The following RHBDD1 variants were observed in gnomAD, a reference collection of about 807,000 sequenced individuals.
RHBDD1 encodes the protein rhomboid domain containing 1.
A neutral mutation model predicts 36.3 loss-of-function variants in RHBDD1; 38 were observed. That is an observed-to-expected ratio of 1.05 (90% CI 0.81 to 1.37). The LOEUF (loss-of-function observed/expected upper bound fraction) is 1.37. RHBDD1 is among the 40% of genes most tolerant of loss of function. RHBDD1 has a pLI of 0.00. For missense variants in RHBDD1, 393 were observed against 377.6 expected (o/e 1.04, Z -0.34); for synonymous variants, 151 against 136.5 (o/e 1.11, Z -0.74).
chr2:226,880,034 G>A (rs911217846), intron 5 of RHBDD1, among the ~76,000 whole-genome samples: 1 of 152,206 alleles, frequency 6.6e-6, no homozygotes, highest in Admixed American at 6.5e-5. Flanking sequence ...GCATGTCCAT[G>A]TGTGTATAAA....
intron 8 of RHBDD1, among the ~76,000 whole-genome samples, chr2:226,941,098 C>T (rs1291294234): frequency 6.6e-6 from 1 of 152,098 alleles, no homozygotes; most frequent in Non-Finnish European, 1.5e-5. Flanking sequence ...AGGCATGCAC[C>T]ACCATGCCCA....
chr2:226,865,872 G>A (rs1944282312), intron 4 of RHBDD1, among the ~76,000 whole-genome samples: 1 of 152,130 alleles, frequency 6.6e-6, no homozygotes, highest in Non-Finnish European at 1.5e-5. Flanking sequence ...GAAAGGAGGG[G>A]GAGAACTACA....
At chr2:226,869,607 A>G (rs1944621171) in intron 5 of RHBDD1, among the ~76,000 whole-genome samples, 1 of 152,202 alleles carries the variant, frequency 6.6e-6, no homozygotes, top group African/African-American at 2.4e-5. Flanking sequence ...TGTTTTATGA[A>G]AGCCACGGAA....
chr2:226,989,168 A>C (rs1463050699), intron 8 of RHBDD1, among the ~76,000 whole-genome samples: 1 of 152,242 alleles, frequency 6.6e-6, no homozygotes, highest in Non-Finnish European at 1.5e-5. Context: ...AAAATCTTTA[A>C]GCCTCAATTC....
Position 226,999,111 on chromosome 2 carries a change from G to A in RHBDD1, c.*3589G>A, listed in dbSNP as rs1297759773. The A allele has an allele frequency of 2.0e-5, 3 of 152,134 alleles. No homozygotes were observed. The highest frequency in any genetic ancestry group is 4.4e-5 in the Non-Finnish European group (3 of 68,048). 9.4% of individuals were successfully genotyped at this position (152,134 alleles called of 1,614,324 possible). A position where few individuals can be genotyped will look rare whatever the true frequency, so the allele number is the denominator to read the frequency against. Reference sequence around the variant, plus strand: ...GTCTTTAAATTGTAAGCTTCATGAGGGCAGGGACCATCTGTTTCTCTGTCT... The same window carrying A: ...GTCTTTAAATTGTAAGCTTCATGAGAGCAGGGACCATCTGTTTCTCTGTCT... On this transcript the variant is annotated 3_prime_UTR_variant, in exon 9 of 9. Transcript: ENST00000392062.
intron 5 of RHBDD1, among the ~76,000 whole-genome samples, chr2:226,897,082 G>A (rs1947156474): frequency 6.6e-6 from 1 of 152,172 alleles, no homozygotes; most frequent in Admixed American, 6.5e-5. Context: ...GTTTACAGGT[G>A]TGAGCCATCG....
chr2:226,992,785 T>C lies in RHBDD1; in HGVS notation c.857-2646T>C, dbSNP rs144408644. 8.1e-4 allele frequency among the ~76,000 whole-genome samples: 123 copies of C among 152,240 alleles called. 1 individual carries two copies. The East Asian group carries it at 0.02, about 25-fold the overall frequency. Reference sequence around the variant, plus strand: ...GAGGTGCAACCCTGAACACTTGCGGTGTGAGAACCGATGGCCACGTGGGGA... The same window carrying C: ...GAGGTGCAACCCTGAACACTTGCGGCGTGAGAACCGATGGCCACGTGGGGA... On this transcript the variant is annotated intron_variant, in intron 8 of 8. Transcript: ENST00000392062.
chr2:226,963,910 C>G (rs1371047544), intron 8 of RHBDD1, among the ~76,000 whole-genome samples: 1 of 152,110 alleles, frequency 6.6e-6, no homozygotes, highest in East Asian at 1.9e-4. Context: ...CCCTACTTAA[C>G]TCCTTCCTTC....
chr2:226,922,328 C>G (rs1949380512), intron 8 of RHBDD1, among the ~76,000 whole-genome samples: 1 of 151,412 alleles, frequency 6.6e-6, no homozygotes, highest in African/African-American at 2.4e-5. Context: ...CTGCCTCAGC[C>G]TCCCGAGTAG....
At chr2:226,932,381 T>C (rs1311692652) in intron 8 of RHBDD1, among the ~76,000 whole-genome samples, 9 of 152,166 alleles carry the variant, frequency 5.9e-5, no homozygotes, top group Admixed American at 5.9e-4. Flanking sequence ...ACTGATTGTC[T>C]CCTCGATTTA....
At position 226,860,105 on chromosome 2, in the gene RHBDD1, C is replaced by T. The variant is rs546745568; in HGVS notation, c.-90-4499C>T. ...TAAGGTCAAAAGACATGTCAAGGATCTTTCTATGTCTTTGGCTTGAACAAC... is the reference window on the plus strand; with the variant it reads ...TAAGGTCAAAAGACATGTCAAGGATTTTTCTATGTCTTTGGCTTGAACAAC... On this transcript the variant is annotated intron_variant, in intron 3 of 8. Coordinates refer to ENST00000392062, the MANE Select transcript of RHBDD1 (RefSeq NM_001167608.3). 2.6e-5 allele frequency among the ~76,000 whole-genome samples: 4 copies of T among 152,286 alleles called. No individual in the cohort carries two copies. The South Asian group carries it at 8.3e-4, about 32-fold the overall frequency.
At chr2:226,800,938 C>G in the RHBDD1 span, among the ~76,000 whole-genome samples, 1 of 152,228 alleles carries the variant, frequency 6.6e-6, no homozygotes, top group African/African-American at 2.4e-5. Flanking sequence ...CGGTATCAGT[C>G]TCCCCACAAA....
At chr2:226,907,129 C>G in intron 6 of RHBDD1, 1 of 562,260 alleles carries the variant, frequency 1.8e-6, no homozygotes, top group South Asian at 2.1e-5. Flanking sequence ...ATATTTATAC[C>G]CTCAACCTTA....
At chr2:226,855,714 T>G (rs1269504235) in intron 3 of RHBDD1, among the ~76,000 whole-genome samples, 2 of 152,208 alleles carry the variant, frequency 1.3e-5, no homozygotes, top group Non-Finnish European at 2.9e-5. Flanking sequence ...CCCAATTTCT[T>G]CTGGAATACA....
chr2:226,936,702 T>G (rs948143593), intron 8 of RHBDD1, among the ~76,000 whole-genome samples: 2 of 152,154 alleles, frequency 1.3e-5, no homozygotes, highest in African/African-American at 2.4e-5. Flanking sequence ...ATGATGTTGC[T>G]CAGTACCGTC....
At chr2:226,859,705 C>G (rs1256577461) in intron 3 of RHBDD1, among the ~76,000 whole-genome samples, 1 of 152,166 alleles carries the variant, frequency 6.6e-6, no homozygotes. Context: ...AGCATAGTGA[C>G]TGATGCAGAG....
At chr2:226,913,980 C>A (rs924565276) in intron 7 of RHBDD1, among the ~76,000 whole-genome samples, 1 of 152,222 alleles carries the variant, frequency 6.6e-6, no homozygotes, top group Non-Finnish European at 1.5e-5. Flanking sequence ...GAATTAATAT[C>A]TCCTTTCCTC....
At chr2:226,845,990 A>C (rs1156944095) in intron 3 of RHBDD1, among the ~76,000 whole-genome samples, 2 of 152,220 alleles carry the variant, frequency 1.3e-5, no homozygotes, top group African/African-American at 2.4e-5. Context: ...AAACATGCAC[A>C]ATGAATGTAA....
At chr2:226,880,056 T>C (rs1945579197) in intron 5 of RHBDD1, among the ~76,000 whole-genome samples, 1 of 152,226 alleles carries the variant, frequency 6.6e-6, no homozygotes, top group Non-Finnish European at 1.5e-5. Flanking sequence ...ACACATTTGT[T>C]TATTGTCAAG....
Sources: allele counts gnomAD v4.1 joint callset (sites outside exome capture counted in the v4.1 genomes callset), GRCh38; gene constraint gnomAD v4.1.1; transcripts MANE v1.5; gene names NCBI Gene and HGNC (gene_info 2026-07-23, HGNC 2026-07-21).